Variants in MYOM1 observed in about 807,000 individuals in gnomAD.
MYOM1 encodes the protein myomesin 1.
In MYOM1, 164 loss-of-function variants were observed where a neutral mutation model predicts 205.3. The ratio of observed to expected loss-of-function variants is 0.80; its 90% CI spans 0.70 to 0.91. MYOM1 has a LOEUF of 0.91. Ranked by LOEUF, MYOM1 falls within the 40% of genes least tolerant of loss-of-function variation. The pLI, the probability that MYOM1 is intolerant of heterozygous loss-of-function variation, is 0.00. For synonymous variants in MYOM1, 772 were observed against 789.4 expected (o/e 0.98, Z 0.37); for missense variants, 2,011 against 2,127.3 (o/e 0.95, Z 1.08).
the MYOM1 span, among the ~76,000 whole-genome samples, chr18:3,241,683 C>A: frequency 6.6e-6 from 1 of 152,224 alleles, no homozygotes; most frequent in Non-Finnish European, 1.5e-5. Context: ...GGACCACTGT[C>A]CTCCAGACCA....
upstream of MYOM1, among the ~76,000 whole-genome samples, chr18:3,221,307 A>T (rs1308272017): frequency 1.3e-5 from 2 of 152,210 alleles, no homozygotes; most frequent in African/African-American, 2.4e-5. Context: ...GGCGTGAGCC[A>T]CTGCACCCAG....
At chr18:3,118,782 T>C (rs1218053915) in intron 20 of MYOM1, among the ~76,000 whole-genome samples, 1 of 152,160 alleles carries the variant, frequency 6.6e-6, no homozygotes, top group Non-Finnish European at 1.5e-5. Flanking sequence ...ACTTAAGAAA[T>C]ACCAACTGGC....
At chr18:3,071,321 G>C (rs4798063) in intron 37 of MYOM1, among the ~76,000 whole-genome samples, 148,755 of 152,302 alleles carry the variant, frequency 0.98, 72,661 homozygotes, top group East Asian at 1. Flanking sequence ...AAACTTTTAT[G>C]CCGATGCTTG....
intron 19 of MYOM1, among the ~76,000 whole-genome samples, chr18:3,121,186 A>C (rs1360232985): frequency 6.6e-6 from 1 of 152,182 alleles, no homozygotes; most frequent in Admixed American, 6.5e-5. Flanking sequence ...AGAAGTGCAG[A>C]GAGAGAGAAA....
At chr18:3,211,415 T>C (rs1464516852) in intron 2 of MYOM1, among the ~76,000 whole-genome samples, 1 of 152,144 alleles carries the variant, frequency 6.6e-6, no homozygotes, top group Non-Finnish European at 1.5e-5. Flanking sequence ...CTACAGTCCC[T>C]CTCTCCAGAA....
chr18:3,233,688 G>A, the MYOM1 span, among the ~76,000 whole-genome samples: 6 of 152,270 alleles, frequency 3.9e-5, no homozygotes, highest in Non-Finnish European at 7.3e-5. Context: ...CATATGAATG[G>A]AAACTGTCCA....
chr18:3,231,052 A>G, the MYOM1 span, among the ~76,000 whole-genome samples: 2 of 152,196 alleles, frequency 1.3e-5, no homozygotes, highest in Non-Finnish European at 2.9e-5. Flanking sequence ...CAATGCCTGC[A>G]CTACTCATAC....
intron 11 of MYOM1, among the ~76,000 whole-genome samples, chr18:3,154,436 A>AAT (rs934206794): frequency 9.9e-5 from 15 of 151,692 alleles, no homozygotes; most frequent in Non-Finnish European, 2.1e-4. Flanking sequence ...TTGGAAATGA[A>AAT]ATATATATAT....
At chr18:3,072,973 ATTTTTTTT>A (rs770278592) in intron 36 of MYOM1, among the ~76,000 whole-genome samples, 6 of 102,440 alleles carry the variant, frequency 5.9e-5, no homozygotes, top group Non-Finnish European at 9.3e-5. Context: ...AGATGTAAGC[ATTTTTTTT>A]TTTTTTTTTT....
At chr18:3,243,875 T>C in the MYOM1 span, among the ~76,000 whole-genome samples, 3 of 152,146 alleles carry the variant, frequency 2.0e-5, no homozygotes, top group Non-Finnish European at 4.4e-5. Flanking sequence ...CAGATAATAA[T>C]AACTGTCCAT....
In MYOM1 at chr18:3,067,526, T is replaced by G; in HGVS notation, c.4794A>C (p.Gly1598=). The G allele has an allele frequency of 6.2e-7, 1 of 1,613,704 alleles. No individual in the cohort carries two copies. The highest frequency in any genetic ancestry group is 8.5e-7 in the Non-Finnish European group (1 of 1,179,806). ...KALNLTCNVW[G]DPPPEVSWLK... ...ACCACGACACCTCCGGAGGCGGGTC[T>G]CCCCACACGTTGCAAGTGAGATTAA... Residue 1598 remains glycine, a synonymous_variant, in exon 38 of 38, where the codon GGA becomes GGC. Transcript: ENST00000356443.
At chr18:3,192,500 C>G (rs575403117) in intron 3 of MYOM1, among the ~76,000 whole-genome samples, 1 of 152,224 alleles carries the variant, frequency 6.6e-6, no homozygotes. Context: ...AAGAAAAACA[C>G]AGGCAACAGA....
At chr18:3,116,107 G>A (rs1366260116) in intron 21 of MYOM1, among the ~76,000 whole-genome samples, 2 of 152,108 alleles carry the variant, frequency 1.3e-5, no homozygotes, top group African/African-American at 4.8e-5. Flanking sequence ...GGAGCTGCTG[G>A]GTGCATTTCA....
chr18:3,174,695 T>C (rs1598743420), intron 6 of MYOM1, among the ~76,000 whole-genome samples: 1 of 152,008 alleles, frequency 6.6e-6, no homozygotes, highest in Non-Finnish European at 1.5e-5. Context: ...AACCAGGAAA[T>C]AGGGAAGAGA....
intron 19 of MYOM1, among the ~76,000 whole-genome samples, chr18:3,124,159 C>T (rs978725243): frequency 7.3e-5 from 11 of 151,168 alleles, no homozygotes; most frequent in Non-Finnish European, 1.2e-4. Flanking sequence ...ATATTTAAAT[C>T]AGTGTGGTAG....
chr18:3,135,692 C>A lies in MYOM1; in HGVS notation c.2064G>T (p.Thr688=). The change falls in exon 15 of 38, where the codon ACG becomes ACT. Residue 688 remains threonine, a synonymous_variant. Coordinates refer to ENST00000356443, the MANE Select transcript of MYOM1 (RefSeq NM_003803.4). This position sits in a 1 kb window ranked among gnomAD's most constrained non-coding sequence, Gnocchi z 4.1. The part of the protein sequence containing the change: ...AGTENWQRVN[T]ELPVKSPRFA... ...AGCGGGGAGACTTCACAGGGAGCTCCGTGTTCACTCGCTGCCAGTTTTCTG... is the reference window on the plus strand; with the variant it reads ...AGCGGGGAGACTTCACAGGGAGCTCAGTGTTCACTCGCTGCCAGTTTTCTG... The A allele has an allele frequency of 6.2e-7, 1 of 1,613,870 alleles. No homozygotes were observed. The highest frequency in any genetic ancestry group is 1.1e-5 in the South Asian group (1 of 91,080).
chr18:3,150,722 TC>T (rs2143985224), intron 12 of MYOM1, among the ~76,000 whole-genome samples: 1 of 152,328 alleles, frequency 6.6e-6, no homozygotes, highest in African/African-American at 2.4e-5. Flanking sequence ...CATATGGGTT[TC>T]CATGAAACAA....
At position 3,135,320 on chromosome 18, in the gene MYOM1, C is replaced by T. The variant is rs992031682; in HGVS notation, c.2209+227G>A. The T allele has an allele frequency of 2.2e-6, 1 of 445,192 alleles. No individual in the cohort carries two copies. Among genetic ancestry groups the T allele is most frequent in the Non-Finnish European group, 3.9e-6 (1 of 253,680 alleles). The allele number at this position is 445,192 out of a possible 1,614,324, so 27.6% of individuals were successfully genotyped here. ...CATGGATAAACTAAATGTCCATGAA[C>T]TTCAGAAAAAACACATTATCAATAT... On this transcript the variant is annotated intron_variant, in intron 15 of 37. Transcript: ENST00000356443. The surrounding 1 kb of genome is among the most constrained non-coding windows in gnomAD (Gnocchi z 4.1).
intron 2 of MYOM1, among the ~76,000 whole-genome samples, chr18:3,199,528 A>T (rs2081038602): frequency 6.6e-6 from 1 of 152,166 alleles, no homozygotes; most frequent in South Asian, 2.1e-4. Flanking sequence ...AATTAAGCAA[A>T]ACCAGATTTA....
Sources: gnomAD v4.1 joint callset for allele counts (sites outside exome capture counted in the v4.1 genomes callset) on GRCh38, gnomAD v4.1.1 for gene constraint, Gnocchi (gnomAD v3.1) non-coding constraint, MANE v1.5 for transcripts, NCBI Gene and HGNC (gene_info 2026-07-23, HGNC 2026-07-21) for gene names.